PTPRD: variants seen among roughly 807,000 people sequenced by gnomAD.
PTPRD encodes the protein receptor-type tyrosine-protein phosphatase delta.
A neutral mutation model predicts 214.5 loss-of-function variants in PTPRD; 34 were observed. That is an observed-to-expected ratio of 0.16 (90% CI 0.12 to 0.21). The LOEUF is 0.21. PTPRD is among the 10% of genes least tolerant of loss of function. PTPRD has a pLI of 1.00. For missense variants in PTPRD, 2,545 were observed against 2,398.7 expected, an observed-to-expected ratio of 1.06 and a Z score of -1.27; for synonymous variants, 1,128 against 845.7, an observed-to-expected ratio of 1.33 and a Z score of -5.79.
intron 2 of PTPRD, among the ~76,000 whole-genome samples, chr9:10,547,031 C>G (rs1374173876): frequency 1.3e-5 from 2 of 151,978 alleles, no homozygotes; most frequent in Non-Finnish European, 2.9e-5. Flanking sequence ...TAAGCCTCAC[C>G]AAGACTCCAA....
intron 2 of PTPRD, among the ~76,000 whole-genome samples, chr9:10,391,984 C>G (rs10733206): frequency 0.86 from 130,056 of 151,758 alleles, 55,749 homozygotes; most frequent in East Asian, 0.89. Context: ...CACCTGTTGG[C>G]AAAACCTTCC....
chr9:8,705,348 T>C (rs1410881572), intron 12 of PTPRD, among the ~76,000 whole-genome samples: 1 of 152,136 alleles, frequency 6.6e-6, no homozygotes, highest in Non-Finnish European at 1.5e-5. Context: ...GCCTCCCGAG[T>C]AGCTGGGATT....
intron 3 of PTPRD, among the ~76,000 whole-genome samples, chr9:10,196,924 C>CAGTGAAGAA (rs2099400665): frequency 2.6e-5 from 4 of 152,058 alleles, no homozygotes. Flanking sequence ...AGTGAGGTTA[C>CAGTGAAGAA]AGTGAAGAAG....
chr9:9,389,069 C>A (rs1159367280), intron 9 of PTPRD, among the ~76,000 whole-genome samples: 1 of 152,100 alleles, frequency 6.6e-6, no homozygotes, highest in Admixed American at 6.5e-5. Flanking sequence ...CCTCATTTTT[C>A]TCATTTATGA....
At chr9:10,554,754 G>A (rs180920223) in intron 2 of PTPRD, among the ~76,000 whole-genome samples, 270 of 151,870 alleles carry the variant, frequency 1.8e-3, no homozygotes, top group African/African-American at 6.1e-3. Context: ...TCCGCCTCCC[G>A]GCTTCACGCC....
chr9:9,210,773 A>AT (rs913559945), intron 9 of PTPRD, among the ~76,000 whole-genome samples: 15 of 151,262 alleles, frequency 9.9e-5, no homozygotes, highest in South Asian at 2.1e-4. Context: ...AAAGGCAACT[A>AT]TTTTTTTTGT....
chr9:9,590,726 T>C (rs1248683537), intron 7 of PTPRD, among the ~76,000 whole-genome samples: 1 of 152,002 alleles, frequency 6.6e-6, no homozygotes, highest in African/African-American at 2.4e-5. Flanking sequence ...ATCTGAATCT[T>C]AGGCATATTA....
At chr9:9,192,559 T>C (rs1305356804) in intron 9 of PTPRD, among the ~76,000 whole-genome samples, 8 of 152,110 alleles carry the variant, frequency 5.3e-5, no homozygotes, top group Admixed American at 5.3e-4. Context: ...TTTATTCTTG[T>C]TTGTTACTAC....
At chr9:8,941,535 T>C (rs2099033858) in intron 11 of PTPRD, among the ~76,000 whole-genome samples, 1 of 152,192 alleles carries the variant, frequency 6.6e-6, no homozygotes, top group African/African-American at 2.4e-5. Context: ...CTTAATAGCC[T>C]ACTTTCCTTT....
At chr9:9,993,674 C>T (rs1475056507) in intron 4 of PTPRD, among the ~76,000 whole-genome samples, 1 of 152,026 alleles carries the variant, frequency 6.6e-6, no homozygotes, top group African/African-American at 2.4e-5. Flanking sequence ...GTATCAGGGG[C>T]TAATATAACA....
chr9:9,110,844 T>C (rs2099805023), intron 10 of PTPRD, among the ~76,000 whole-genome samples: 1 of 152,172 alleles, frequency 6.6e-6, no homozygotes, highest in Admixed American at 6.6e-5. Context: ...AAGATTTTAC[T>C]AGAATGTAGC....
chr9:8,942,162 A>G (rs2099037988), intron 11 of PTPRD, among the ~76,000 whole-genome samples: 1 of 152,202 alleles, frequency 6.6e-6, no homozygotes, highest in Admixed American at 6.5e-5. Context: ...TGCTGAAATT[A>G]GAGTCTGGTC....
At chr9:8,529,906 G>A (rs1055984874) in intron 14 of PTPRD, among the ~76,000 whole-genome samples, 3 of 152,092 alleles carry the variant, frequency 2.0e-5, no homozygotes, top group Admixed American at 1.3e-4. Context: ...TCGTGATCAT[G>A]AAATATTTTT....
intron 3 of PTPRD, among the ~76,000 whole-genome samples, chr9:10,057,705 G>A (rs937334661): frequency 1.3e-5 from 2 of 151,844 alleles, no homozygotes; most frequent in Admixed American, 6.6e-5. Context: ...TTAGCTGGGC[G>A]TGGTGCACGT....
chr9:9,270,073 C>A (rs1942191702), intron 9 of PTPRD, among the ~76,000 whole-genome samples: 1 of 150,816 alleles, frequency 6.6e-6, no homozygotes, highest in Non-Finnish European at 1.5e-5. Context: ...GAAATTAGAT[C>A]TGATGTATTC....
At chr9:10,111,179 C>G (rs923835446) in intron 3 of PTPRD, among the ~76,000 whole-genome samples, 1 of 139,566 alleles carries the variant, frequency 7.2e-6, no homozygotes, top group African/African-American at 2.7e-5. Flanking sequence ...CCAAATAATT[C>G]TATGCAAATG....
In PTPRD at chr9:10,348,207, C is replaced by T. The variant is rs146935155; in HGVS notation, c.-599-7190G>A. 4.5e-3 allele frequency among the ~76,000 whole-genome samples: 681 copies of T among 152,196 alleles called. 5 individuals are homozygous for T. The highest frequency in any genetic ancestry group is 0.015 in the African/African-American group (607 of 41,536). ...CTTCCCAGTTATCCTTCCTGGCTTA[C>T]GTAGGATTACTTTTTTTAAGGCAAT... On this transcript the variant is annotated intron_variant, in intron 2 of 45. Transcript: ENST00000381196.
intron 3 of PTPRD, among the ~76,000 whole-genome samples, chr9:10,081,848 G>A (rs1246232391): frequency 1.3e-5 from 2 of 151,952 alleles, no homozygotes; most frequent in African/African-American, 4.8e-5. Flanking sequence ...ATAGCTGAGT[G>A]CTTATTAATC....
chr9:9,732,343 A>AAAAC (rs953485029), intron 7 of PTPRD, among the ~76,000 whole-genome samples: 2 of 152,148 alleles, frequency 1.3e-5, no homozygotes. Flanking sequence ...GTCACATTAA[A>AAAAC]AAACAAACAA....
Sources: allele counts gnomAD v4.1 joint callset (sites outside exome capture counted in the v4.1 genomes callset), GRCh38; gene constraint gnomAD v4.1.1; transcripts MANE v1.5; gene names NCBI Gene and HGNC (gene_info 2026-07-23, HGNC 2026-07-21).